Variants in SRCIN1 observed in about 807,000 individuals in gnomAD.
SRCIN1 encodes SRC kinase signaling inhibitor 1.
A neutral mutation model predicts 116.2 loss-of-function variants in SRCIN1; 50 were observed. The observed-to-expected ratio is 0.43, with a 90% CI of 0.34 to 0.54. The LOEUF (loss-of-function observed/expected upper bound fraction) is 0.54, where lower values mean the gene tolerates loss of function less well. Among genes scored for constraint, SRCIN1 ranks in the 20% least tolerant of loss-of-function variants. The pLI is 0.02. For missense variants in SRCIN1, 1,446 were observed against 1,672.0 expected, an observed-to-expected ratio of 0.86 and a Z score of 2.36; for synonymous variants, 736 against 750.0, an observed-to-expected ratio of 0.98 and a Z score of 0.30.
intron 11 of SRCIN1, among the ~76,000 whole-genome samples, chr17:38,554,695 GTAGA>G (rs1440374361): frequency 6.6e-6 from 1 of 152,196 alleles, no homozygotes; most frequent in Non-Finnish European, 1.5e-5. Context: ...CTGGTGCAGA[GTAGA>G]TGTCTGGGAA....
chr17:38,571,027 C>T (rs1907047286), intron 2 of SRCIN1, among the ~76,000 whole-genome samples: 1 of 152,202 alleles, frequency 6.6e-6, no homozygotes, highest in South Asian at 2.1e-4. Context: ...CATGTTGACC[C>T]CACCAGGAAC....
chr17:38,548,948 G>A, intron 16 of SRCIN1, 108 bp downstream of exon 16: 1 of 1,347,790 alleles, frequency 7.4e-7, no homozygotes, highest in South Asian at 1.5e-5. Context: ...TTCCTTCCAT[G>A]TTCTCTGAGA....
chr17:38,604,345 G>C lies in SRCIN1; in HGVS notation c.22+1339C>G. ...ATCTCCTTTTGAAAGGCTGCTGCCAGAAACCCCCACCCCCAGCTCGGGGAG... is the reference window on the plus strand; with the variant it reads ...ATCTCCTTTTGAAAGGCTGCTGCCACAAACCCCCACCCCCAGCTCGGGGAG... On this transcript the variant is annotated intron_variant, in intron 1 of 18. Transcript: ENST00000617146. The surrounding 1 kb of genome is among the most constrained non-coding windows in gnomAD (Gnocchi z 4.3). 7 of 311,910 alleles carry C rather than the reference G, an allele frequency of 2.2e-5. No homozygotes were observed. Among genetic ancestry groups the C allele is most frequent in the South Asian group, 1.6e-4 (7 of 42,914 alleles). The allele number at this position is 311,910 out of a possible 1,614,324, so 19.3% of individuals were successfully genotyped here. A position where few individuals can be genotyped will look rare whatever the true frequency, so the allele number is the denominator to read the frequency against.
At chr17:38,559,542 G>C in intron 10 of SRCIN1, 43 bp downstream of exon 10, 2 of 1,578,920 alleles carry the variant, frequency 1.3e-6, no homozygotes, top group African/African-American at 2.7e-5. Context: ...ACTTCTACCA[G>C]TAGGTGGGCG....
intron 1 of SRCIN1, among the ~76,000 whole-genome samples, chr17:38,601,538 C>G (rs891951250): frequency 6.6e-6 from 1 of 152,046 alleles, no homozygotes; most frequent in African/African-American, 2.4e-5. Flanking sequence ...AGCAGGGAAC[C>G]TGGGGTGTTT....
rs148594884 is a variant in SRCIN1, at chr17:38,569,271, G to A, written c.325-1040C>T. Reference sequence around the variant, plus strand: ...ACAAGGAAAGAGCTGCCCTGGGGCCGGGTTGGTTCTTGGCAAAGCCAAGGC... The same window carrying A: ...ACAAGGAAAGAGCTGCCCTGGGGCCAGGTTGGTTCTTGGCAAAGCCAAGGC... On this transcript the variant is annotated intron_variant, in intron 2 of 18. Transcript: ENST00000617146. Among the ~76,000 whole-genome samples, 55 of 152,330 alleles carry A rather than the reference G, an allele frequency of 3.6e-4. No individual in the cohort carries two copies. The East Asian group carries it at 0.01, about 29-fold the overall frequency.
chr17:38,601,645 C>CAG (rs1417923409), intron 1 of SRCIN1, among the ~76,000 whole-genome samples: 1 of 144,078 alleles, frequency 6.9e-6, no homozygotes, highest in East Asian at 2.3e-4. Context: ...CACGCACACA[C>CAG]ACACACACGC....
chr17:38,550,386 C>T (rs907420375), intron 15 of SRCIN1, among the ~76,000 whole-genome samples: 12 of 151,954 alleles, frequency 7.9e-5, no homozygotes, highest in East Asian at 1.9e-4. Context: ...CCCAGCTACT[C>T]GGGAGGCTGA....
intron 1 of SRCIN1, among the ~76,000 whole-genome samples, chr17:38,592,132 C>G (rs1908475525): frequency 6.6e-6 from 1 of 152,236 alleles, no homozygotes; most frequent in African/African-American, 2.4e-5. Flanking sequence ...AGCTGCTTCC[C>G]TGCAAGTGCC....
In SRCIN1 at chr17:38,564,365, C is replaced by T. The variant is rs544164822; in HGVS notation, c.346-52G>A. On this transcript the variant is annotated intron_variant, in intron 3 of 18. Transcript: ENST00000617146. Reference sequence around the variant, plus strand: ...AACCAAGGATGAGCACCCCCCCTCCCCTTTGCTTGTCACTGCCCATATCCA... The same window carrying T: ...AACCAAGGATGAGCACCCCCCCTCCTCTTTGCTTGTCACTGCCCATATCCA... The T allele has an allele frequency of 8.9e-5, 128 of 1,445,370 alleles. No homozygotes were observed. In the African/African-American group the frequency reaches 9.9e-4, roughly 11 times the overall value. The allele number at this position is 1,445,370 out of a possible 1,614,324, so 89.5% of individuals were successfully genotyped here. A position where few individuals can be genotyped will look rare whatever the true frequency, so the allele number is the denominator to read the frequency against.
At chr17:38,605,988 G>GGCGGGCGCGCGCGCGGC (rs993036852), upstream of SRCIN1, 13 of 144,514 alleles carry the variant, frequency 9.0e-5, no homozygotes, top group Non-Finnish European at 1.4e-4. Flanking sequence ...TGTCACTGCG[G>GGCGGGCGCGCGCGCGGC]GCGGGCGCGC....
intron 15 of SRCIN1, 51 bp downstream of exon 15, chr17:38,551,104 G>A (rs1043872565): frequency 3.9e-6 from 3 of 776,028 alleles, no homozygotes; most frequent in Non-Finnish European, 4.0e-6. Flanking sequence ...GGCTCCTGAG[G>A]AGGGCACTCC....
At chr17:38,545,657 T>C (rs999762004) in intron 17 of SRCIN1, among the ~76,000 whole-genome samples, 2 of 152,166 alleles carry the variant, frequency 1.3e-5, no homozygotes, top group African/African-American at 4.8e-5. Flanking sequence ...CACCATACCC[T>C]GTGGCCTCCT....
chr17:38,576,705 C>G (rs1466698647), intron 2 of SRCIN1, among the ~76,000 whole-genome samples: 1 of 152,070 alleles, frequency 6.6e-6, no homozygotes, highest in Non-Finnish European at 1.5e-5. Context: ...CTCCAACCCT[C>G]CTATTTCTCT....
intron 2 of SRCIN1, among the ~76,000 whole-genome samples, chr17:38,573,295 G>A (rs1907215302): frequency 6.6e-6 from 1 of 152,222 alleles, no homozygotes; most frequent in South Asian, 2.1e-4. Flanking sequence ...CCTTAGCCAA[G>A]TCTGGGAGGC....
rs762714196 is a variant in SRCIN1 at position 38,552,783 on chromosome 17, C to A, written c.2274G>T (p.Glu758Asp). ...SHNHRLVPGP[E>D]LEEKALVLKQ... ...TCAGCACCAGTGCCTTCTCCTCCAG[C>A]TCAGGGCCGGGCACCAGCCGGTGGT... Residue 758 changes from glutamate to aspartate, a missense_variant, in exon 12 of 19, where the codon GAG becomes GAT. Glu to Asp is a conservative substitution (Grantham distance 45, BLOSUM62 2). Coordinates refer to ENST00000617146, the MANE Select transcript of SRCIN1 (RefSeq NM_025248.3). This position sits in a 1 kb window ranked among gnomAD's most constrained non-coding sequence, Gnocchi z 5.3. The A allele has an allele frequency of 1.2e-6, 2 of 1,614,004 alleles. No homozygotes were observed. Among genetic ancestry groups the A allele is most frequent in the South Asian group, 2.2e-5 (2 of 91,086 alleles).
At chr17:38,591,634 A>G (rs879609605) in intron 1 of SRCIN1, among the ~76,000 whole-genome samples, 3 of 152,174 alleles carry the variant, frequency 2.0e-5, no homozygotes, top group Non-Finnish European at 4.4e-5. Flanking sequence ...GGGCCAGAAC[A>G]TACCTTCCTT....
rs763321952 is a variant in SRCIN1 at position 38,558,378 on chromosome 17, C to T, written c.2050G>A (p.Ala684Thr). Reference protein sequence around the residue: ...LQLQNQESVRALLKRTEAELS... With the variant: ...LQLQNQESVRTLLKRTEAELS... Reference sequence around the variant, plus strand: ...TCTGCCTCCGTGCGCTTCAGCAGCGCGCGCACCGACTCCTGGTTCTGTAGC... The same window carrying T: ...TCTGCCTCCGTGCGCTTCAGCAGCGTGCGCACCGACTCCTGGTTCTGTAGC... The change falls in exon 11 of 19, where the codon GCG (alanine) becomes ACG (threonine). Residue 684 changes from alanine to threonine, a missense_variant. Transcript: ENST00000617146. The surrounding 1 kb of genome is among the most constrained non-coding windows in gnomAD (Gnocchi z 4.6). The T allele has an allele frequency of 1.4e-5, 22 of 1,604,300 alleles. No homozygotes were observed. Among genetic ancestry groups the T allele is most frequent in the Non-Finnish European group, 1.9e-5 (22 of 1,179,010 alleles).
intron 18 of SRCIN1, among the ~76,000 whole-genome samples, chr17:38,539,138 C>T (rs1229199065): frequency 6.6e-6 from 1 of 152,224 alleles, no homozygotes. Flanking sequence ...CCTACGTATG[C>T]CAAGCACTAT....
Sources: gnomAD v4.1 joint callset for allele counts (sites outside exome capture counted in the v4.1 genomes callset) on GRCh38, gnomAD v4.1.1 for gene constraint, Gnocchi (gnomAD v3.1) non-coding constraint, MANE v1.5 for transcripts, NCBI Gene and HGNC (gene_info 2026-07-23, HGNC 2026-07-21) for gene names.